ENOX1: variants seen among roughly 807,000 people sequenced by gnomAD.
ENOX1 encodes ecto-NOX disulfide-thiol exchanger 1.
In ENOX1, 42 loss-of-function variants were observed where a neutral mutation model predicts 82.5. The ratio of observed to expected loss-of-function variants is 0.51; its 90% confidence interval spans 0.40 to 0.66. The LOEUF (loss-of-function observed/expected upper bound fraction) is 0.66, where lower values mean the gene tolerates loss of function less well. ENOX1 is among the 30% of genes least tolerant of loss of function. ENOX1 has a pLI of 0.00. For synonymous variants in ENOX1, 271 were observed against 282.2 expected (o/e 0.96, Z 0.40); for missense variants, 608 against 811.6 (o/e 0.75, Z 3.05).
At chr13:43,695,861 G>A (rs2086617351) in intron 1 of ENOX1, among the ~76,000 whole-genome samples, 1 of 152,036 alleles carries the variant, frequency 6.6e-6, no homozygotes, top group Non-Finnish European at 1.5e-5. Flanking sequence ...TATATTCACA[G>A]AGTTCGGCAA....
intron 3 of ENOX1, among the ~76,000 whole-genome samples, chr13:43,478,818 T>G (rs948240473): frequency 6.6e-6 from 1 of 152,164 alleles, no homozygotes; most frequent in African/African-American, 2.4e-5. Flanking sequence ...AAGTAACCTG[T>G]GTACTGGGGA....
At chr13:43,265,579 A>T in intron 13 of ENOX1, 125 bp from the exon 14 acceptor site, 1 of 729,844 alleles carries the variant, frequency 1.4e-6, no homozygotes. Context: ...AATGAGATAA[A>T]ACAGATGGAG....
chr13:43,566,009 C>A (rs893998542), intron 2 of ENOX1, among the ~76,000 whole-genome samples: 4 of 152,076 alleles, frequency 2.6e-5, no homozygotes. Flanking sequence ...TCGTAATCAC[C>A]ATGTGGGTTG....
At chr13:43,658,667 A>G (rs1420750080) in intron 2 of ENOX1, among the ~76,000 whole-genome samples, 1 of 152,230 alleles carries the variant, frequency 6.6e-6, no homozygotes, top group African/African-American at 2.4e-5. Context: ...CAATTTTACC[A>G]TCTTGAAGAA....
intron 2 of ENOX1, among the ~76,000 whole-genome samples, chr13:43,533,982 T>A (rs1333694061): frequency 6.6e-6 from 1 of 152,160 alleles, no homozygotes; most frequent in Non-Finnish European, 1.5e-5. Flanking sequence ...ATTGATGCTG[T>A]TTATTCCGTA....
chr13:43,470,413 TATATAA>T (rs2058019713), intron 3 of ENOX1, among the ~76,000 whole-genome samples: 1 of 135,148 alleles, frequency 7.4e-6, no homozygotes, highest in Non-Finnish European at 1.6e-5. Context: ...TATATATATA[TATATAA>T]CAGAGATAAC....
chr13:43,508,472 C>A (rs952347491), intron 2 of ENOX1, among the ~76,000 whole-genome samples: 6 of 151,944 alleles, frequency 3.9e-5, no homozygotes, highest in Admixed American at 2.6e-4. Context: ...TACAGCAACA[C>A]AGACTAAGTA....
chr13:43,491,313 A>T (rs2076611106), intron 2 of ENOX1, among the ~76,000 whole-genome samples: 1 of 152,108 alleles, frequency 6.6e-6, no homozygotes, highest in Non-Finnish European at 1.5e-5. Flanking sequence ...ACCAGGCCCC[A>T]CCTTCAGCAT....
intron 2 of ENOX1, among the ~76,000 whole-genome samples, chr13:43,587,951 C>A (rs199972373): frequency 1.8e-4 from 27 of 148,650 alleles, no homozygotes; most frequent in African/African-American, 2.5e-4. Flanking sequence ...TTGCATTTTC[C>A]AAAAAAAAAA....
At chr13:43,345,150 C>T (rs1158374970) in intron 8 of ENOX1, among the ~76,000 whole-genome samples, 1 of 152,182 alleles carries the variant, frequency 6.6e-6, no homozygotes, top group Non-Finnish European at 1.5e-5. Flanking sequence ...AAATATTATA[C>T]AGTGTTACCA....
chr13:43,400,046 GC>G (rs1374945485), intron 5 of ENOX1, among the ~76,000 whole-genome samples: 1 of 151,898 alleles, frequency 6.6e-6, no homozygotes, highest in Non-Finnish European at 1.5e-5. Context: ...CCTTCTTTGT[GC>G]CCTTGTCCTT....
chr13:43,451,841 G>T (rs926237730), intron 3 of ENOX1, among the ~76,000 whole-genome samples: 1 of 152,014 alleles, frequency 6.6e-6, no homozygotes, highest in African/African-American at 2.4e-5. Flanking sequence ...AAATAAAACA[G>T]ACAAAATCCC....
rs759671988 is a variant in ENOX1, at chr13:43,356,053, C to T, written c.689G>A (p.Cys230Tyr). 1 of 1,614,218 alleles carries T rather than the reference C, an allele frequency of 6.2e-7. No individual in the cohort carries two copies. The highest frequency in any genetic ancestry group is 1.7e-5 in the Admixed American group (1 of 60,028). The change falls in exon 8 of 17, where the codon TGC becomes TAC. Residue 230 changes from cysteine to tyrosine, a missense_variant. Physicochemically the swap from Cys to Tyr is radical, Grantham distance 194. Transcript: ENST00000690772. ...CTCCCGGGCACGCATCCTCTGCTTG[C>T]ATTCCCACTCATAGAAGTCATCCCT... is the stretch of plus-strand genomic sequence containing the variant. Reference protein sequence around the residue: ...QARDDFYEWECKQRMRAREER... With the variant: ...QARDDFYEWEYKQRMRAREER...
chr13:43,264,550 A>G (rs2044259525), intron 14 of ENOX1, among the ~76,000 whole-genome samples: 1 of 152,204 alleles, frequency 6.6e-6, no homozygotes, highest in Non-Finnish European at 1.5e-5. Context: ...TCTGTTGTAT[A>G]TAATTAAAAC....
At chr13:43,731,591 G>A (rs1409369934) in intron 1 of ENOX1, among the ~76,000 whole-genome samples, 2 of 151,236 alleles carry the variant, frequency 1.3e-5, no homozygotes, top group African/African-American at 4.9e-5. Flanking sequence ...AGTAAGAGAA[G>A]ATTGAAAATT....
chr13:43,438,879 T>A (rs576681095), intron 3 of ENOX1, among the ~76,000 whole-genome samples: 2 of 152,276 alleles, frequency 1.3e-5, no homozygotes, highest in East Asian at 3.9e-4. Flanking sequence ...ACAGCCACTG[T>A]AGTATACAGT....
chr13:43,495,131 G>A (rs2153664232), intron 2 of ENOX1, among the ~76,000 whole-genome samples: 1 of 152,234 alleles, frequency 6.6e-6, no homozygotes, highest in Non-Finnish European at 1.5e-5. Flanking sequence ...ATCTAAGTTT[G>A]ATAAATGTTT....
intron 1 of ENOX1, among the ~76,000 whole-genome samples, chr13:43,758,252 CA>C (rs943990780): frequency 2.6e-5 from 4 of 151,064 alleles, no homozygotes; most frequent in African/African-American, 9.7e-5. Context: ...AACAAAAAAA[CA>C]AAAAACAGAT....
chr13:43,391,446 A>G (rs1344669845), intron 5 of ENOX1, among the ~76,000 whole-genome samples: 2 of 152,030 alleles, frequency 1.3e-5, no homozygotes, highest in African/African-American at 2.4e-5. Context: ...AGACCCATAT[A>G]TCCCTGTGTC....
Sources: allele counts gnomAD v4.1 joint callset (sites outside exome capture counted in the v4.1 genomes callset), GRCh38; gene constraint gnomAD v4.1.1; transcripts MANE v1.5; gene names NCBI Gene and HGNC (gene_info 2026-07-23, HGNC 2026-07-21).